The following DACH2 variants were observed in gnomAD, a reference collection of about 807,000 sequenced individuals.
DACH2 encodes dachshund family transcription factor 2, also known as dachshund homolog 2.
A neutral mutation model predicts 35.8 loss-of-function variants in DACH2; 17 were observed. That is an observed-to-expected ratio of 0.48 (90% CI 0.33 to 0.71). DACH2 has a LOEUF of 0.71. Ranked by LOEUF, DACH2 falls within the 30% of genes least tolerant of loss-of-function variation. DACH2 has a pLI of 0.02. For synonymous variants in DACH2, 195 were observed against 177.3 expected (o/e 1.10, Z -0.79); for missense variants, 469 against 472.7 (o/e 0.99, Z 0.07).
intron 3 of DACH2, among the ~76,000 whole-genome samples, chrX:86,628,008 A>G (rs2040157187): frequency 8.9e-6 from 1 of 111,947 alleles, no homozygotes; most frequent in Admixed American, 9.5e-5. Flanking sequence ...CGTAAAGTAG[A>G]CCGCTTCTAG....
rs188475110 is a variant in DACH2, at chrX:86,700,500, T to C, written c.931+5321T>C. Among the ~76,000 whole-genome samples the C allele has an allele frequency of 6.9e-4, 71 of 103,261 alleles. 2 individuals carry two copies. The South Asian group carries it at 0.025, about 36-fold the overall frequency. The allele number at this position is 103,261 out of a possible 115,157, so 89.7% of individuals were successfully genotyped here. Reference sequence around the variant, plus strand: ...CTTCTTGGTGAATTAAACCCTTTATTATTATGTAATGCTCTTTTTTATCTA... The same window carrying C: ...CTTCTTGGTGAATTAAACCCTTTATCATTATGTAATGCTCTTTTTTATCTA... On this transcript the variant is annotated intron_variant, in intron 5 of 11. Coordinates refer to ENST00000373125, the MANE Select transcript of DACH2 (RefSeq NM_053281.3).
intron 3 of DACH2, among the ~76,000 whole-genome samples, chrX:86,631,344 A>C (rs888020905): frequency 8.9e-6 from 1 of 112,114 alleles, no homozygotes; most frequent in Admixed American, 9.5e-5. Flanking sequence ...GTTGATTTGT[A>C]GAGAATTTCT....
chrX:86,711,580 G>A (rs1362605987), intron 5 of DACH2, among the ~76,000 whole-genome samples: 1 of 111,590 alleles, frequency 9.0e-6, no homozygotes. Context: ...GCCAGGTTGC[G>A]GGTGTGGTGT....
intron 7 of DACH2, among the ~76,000 whole-genome samples, chrX:86,743,977 C>T (rs2041684372): frequency 9.0e-6 from 1 of 111,041 alleles, no homozygotes; most frequent in South Asian, 3.8e-4. Context: ...CTAGGAAAGT[C>T]CCAAGCTGTA....
At chrX:86,569,527 C>T (rs2039337707) in intron 3 of DACH2, among the ~76,000 whole-genome samples, 3 of 111,215 alleles carry the variant, frequency 2.7e-5, no homozygotes, top group African/African-American at 9.8e-5. Flanking sequence ...ATACGTTCAC[C>T]CATCTACTGG....
intron 4 of DACH2, among the ~76,000 whole-genome samples, chrX:86,665,259 C>T (rs1400092160): frequency 8.9e-6 from 1 of 111,833 alleles, no homozygotes; most frequent in Non-Finnish European, 1.9e-5. Context: ...GGGCAGCATT[C>T]TCTAGCAACA....
intron 1 of DACH2, among the ~76,000 whole-genome samples, chrX:86,250,461 C>T (rs1329046877): frequency 9.0e-6 from 1 of 110,678 alleles, no homozygotes; most frequent in Non-Finnish European, 1.9e-5. Context: ...TCATTCTTGG[C>T]CAATAAATCA....
chrX:86,612,858 G>T (rs2039962293), intron 3 of DACH2, among the ~76,000 whole-genome samples: 1 of 112,479 alleles, frequency 8.9e-6, no homozygotes, highest in East Asian at 2.8e-4. Context: ...ACAATTGTTG[G>T]AGACTTCCAT....
intron 2 of DACH2, among the ~76,000 whole-genome samples, chrX:86,405,324 G>T (rs1386038644): frequency 9.0e-6 from 1 of 111,678 alleles, no homozygotes; most frequent in Non-Finnish European, 1.9e-5. Context: ...ATGCTTTGCT[G>T]CTTAGAAATG....
At chrX:86,799,420 C>T (rs1422258851) in intron 7 of DACH2, among the ~76,000 whole-genome samples, 2 of 111,992 alleles carry the variant, frequency 1.8e-5, no homozygotes, top group Admixed American at 9.5e-5. Flanking sequence ...AGGAACAGCT[C>T]GTGTCTGCAG....
At position 86,493,630 on chromosome X, in the gene DACH2, C is replaced by A. The variant is rs1293029458; in HGVS notation, c.528-20649C>A. 2.7e-5 allele frequency among the ~76,000 whole-genome samples: 3 copies of A among 111,375 alleles called. No homozygotes were observed. In the East Asian group the frequency reaches 8.5e-4, roughly 32 times the overall value. On this transcript the variant is annotated intron_variant, in intron 2 of 11. Transcript: ENST00000373125. The stretch of plus-strand genomic sequence containing the variant: ...TGTGAGTATGTGTATATCTTTATTA[C>A]AGCTCTGCAAGGTAGGTGTTAATAC...
intron 2 of DACH2, among the ~76,000 whole-genome samples, chrX:86,460,557 G>A (rs1029838994): frequency 3.6e-5 from 4 of 110,292 alleles, no homozygotes; most frequent in African/African-American, 9.8e-5. Flanking sequence ...TATACTCTTC[G>A]ATTCTAACAT....
intron 1 of DACH2, among the ~76,000 whole-genome samples, chrX:86,358,457 ACAC>A (rs1379428264): frequency 1.9e-5 from 2 of 108,100 alleles, no homozygotes; most frequent in Non-Finnish European, 3.8e-5. Context: ...ACACACACAC[ACAC>A]ACACACACAC....
intron 3 of DACH2, among the ~76,000 whole-genome samples, chrX:86,602,431 C>T (rs2039801357): frequency 8.9e-6 from 1 of 111,824 alleles, no homozygotes; most frequent in Non-Finnish European, 1.9e-5. Context: ...AAACTGTTTT[C>T]CTGAGTGGCT....
At chrX:86,195,684 T>G (rs1028042048) in intron 1 of DACH2, among the ~76,000 whole-genome samples, 1 of 111,521 alleles carries the variant, frequency 9.0e-6, no homozygotes, top group African/African-American at 3.3e-5. Context: ...GCACCACCCT[T>G]TGGAGTGCAG....
intron 3 of DACH2, among the ~76,000 whole-genome samples, chrX:86,551,636 C>T (rs765273168): frequency 8.9e-6 from 1 of 111,779 alleles, no homozygotes; most frequent in Non-Finnish European, 1.9e-5. Context: ...ATATTAGATG[C>T]CAAGCCTCTT....
intron 6 of DACH2, among the ~76,000 whole-genome samples, chrX:86,729,836 A>T (rs1171784387): frequency 9.0e-6 from 1 of 111,255 alleles, no homozygotes; most frequent in Admixed American, 9.6e-5. Flanking sequence ...TCCATGAGTA[A>T]ATGCTTCTTG....
Position 86,299,179 on chromosome X carries a change from A to C in DACH2, c.489-77645A>C, listed in dbSNP as rs751208036. Among the ~76,000 whole-genome samples the C allele has an allele frequency of 2.7e-5, 3 of 112,611 alleles. No homozygotes were observed. The South Asian group carries it at 1.1e-3, about 41-fold the overall frequency. ...CAAGCTTTACTTTTATAAGGTACAC[A>C]AATGTTATTTGTGAATATACAGTAT... On this transcript the variant is annotated intron_variant, in intron 1 of 11. Transcript: ENST00000373125.
intron 2 of DACH2, among the ~76,000 whole-genome samples, chrX:86,472,577 A>G (rs750777954): frequency 1.8e-5 from 2 of 111,972 alleles, no homozygotes; most frequent in Non-Finnish European, 3.8e-5. Context: ...TAGCTATAGG[A>G]CGCTTCTGTG....
Sources: allele counts gnomAD v4.1 joint callset (sites outside exome capture counted in the v4.1 genomes callset), GRCh38; gene constraint gnomAD v4.1.1; transcripts MANE v1.5; gene names NCBI Gene and HGNC (gene_info 2026-07-23, HGNC 2026-07-21).